The following DOCK7 variants were observed in gnomAD, a reference collection of about 807,000 sequenced individuals.
DOCK7 encodes dedicator of cytokinesis protein 7.
Under a neutral mutation model 271.0 loss-of-function variants are expected in DOCK7, and 138 were observed. That is an observed-to-expected ratio of 0.51 (90% CI 0.44 to 0.59). DOCK7 has a LOEUF of 0.59. Ranked by LOEUF, DOCK7 falls within the 20% of genes least tolerant of loss-of-function variation. The pLI is 0.00. For synonymous variants in DOCK7, 823 were observed against 876.1 expected, an observed-to-expected ratio of 0.94 and a Z score of 1.07; for missense variants, 2,066 against 2,592.4, an observed-to-expected ratio of 0.80 and a Z score of 4.41.
intron 15 of DOCK7, 137 bp from the exon 16 acceptor site, chr1:62,583,391 C>T: frequency 4.6e-6 from 3 of 649,970 alleles, no homozygotes; most frequent in Admixed American, 2.6e-5. Flanking sequence ...AATGTGCCTA[C>T]TGACGTTCAT....
chr1:62,661,801 T>C (rs897183237), intron 2 of DOCK7, among the ~76,000 whole-genome samples: 1 of 152,136 alleles, frequency 6.6e-6, no homozygotes, highest in African/African-American at 2.4e-5. Context: ...TTATAGTTAT[T>C]CATAATGACA....
At chr1:62,573,720 CTTAAAA>C (rs1362505629) in intron 18 of DOCK7, among the ~76,000 whole-genome samples, 7 of 152,080 alleles carry the variant, frequency 4.6e-5, no homozygotes, top group Admixed American at 1.3e-4. Flanking sequence ...GAAATGTACA[CTTAAAA>C]TTAAAATGAT....
At chr1:62,525,525 T>G (rs1455191555) in intron 31 of DOCK7, among the ~76,000 whole-genome samples, 2 of 152,108 alleles carry the variant, frequency 1.3e-5, no homozygotes, top group Non-Finnish European at 2.9e-5. Flanking sequence ...TGTAGTATAC[T>G]TCACAAAAGA....
At chr1:62,493,207 A>T (rs1384024091) in intron 40 of DOCK7, among the ~76,000 whole-genome samples, 1 of 152,184 alleles carries the variant, frequency 6.6e-6, no homozygotes, top group Non-Finnish European at 1.5e-5. Context: ...AAGGGTACAA[A>T]AATGGTCTCT....
intron 11 of DOCK7, among the ~76,000 whole-genome samples, chr1:62,630,299 T>A (rs2149619033): frequency 1.3e-5 from 2 of 152,270 alleles, no homozygotes; most frequent in South Asian, 4.2e-4. Context: ...AAATGCTACA[T>A]AAACTGCATG....
At chr1:62,650,611 A>C (rs1246398664) in intron 4 of DOCK7, among the ~76,000 whole-genome samples, 2 of 152,188 alleles carry the variant, frequency 1.3e-5, no homozygotes, top group Non-Finnish European at 2.9e-5. Flanking sequence ...AAAAACAAAC[A>C]ACCCTATCAA....
At chr1:62,646,295 G>C (rs1656654115) in intron 7 of DOCK7, among the ~76,000 whole-genome samples, 1 of 152,128 alleles carries the variant, frequency 6.6e-6, no homozygotes, top group Non-Finnish European at 1.5e-5. Flanking sequence ...GAATGGGTAA[G>C]CTCATAGAGA....
At chr1:62,545,290 G>C (rs1645667023) in intron 22 of DOCK7, among the ~76,000 whole-genome samples, 1 of 151,786 alleles carries the variant, frequency 6.6e-6, no homozygotes. Context: ...TTTATGTAAA[G>C]GAATACTCTT....
chr1:62,554,088 A>G (rs1271697697), intron 21 of DOCK7, among the ~76,000 whole-genome samples: 1 of 152,164 alleles, frequency 6.6e-6, no homozygotes, highest in African/African-American at 2.4e-5. Context: ...TCATTTCTCT[A>G]TCTTCATCAG....
At chr1:62,653,937 C>T in intron 3 of DOCK7, 47 bp downstream of exon 3, 1 of 1,581,136 alleles carries the variant, frequency 6.3e-7, no homozygotes, top group Non-Finnish European at 8.6e-7. Context: ...GGAAGGTAGC[C>T]TTTCTATAGT....
At chr1:62,583,063 G>C (rs1045176631) in intron 16 of DOCK7, 121 bp downstream of exon 16, 2 of 724,514 alleles carry the variant, frequency 2.8e-6, no homozygotes, top group Non-Finnish European at 4.6e-6. Flanking sequence ...TTATAACTCT[G>C]ATGTCAGCCT....
At chr1:62,556,254 T>C (rs915426311) in intron 20 of DOCK7, among the ~76,000 whole-genome samples, 1 of 152,034 alleles carries the variant, frequency 6.6e-6, no homozygotes, top group African/African-American at 2.4e-5. Context: ...AAGAAAACAA[T>C]GCTCAACGGA....
chr1:62,648,459 CA>C lies in DOCK7; in HGVS notation c.474del (p.Phe158LeufsTer26). The C allele has an allele frequency of 1.9e-6, 3 of 1,548,326 alleles. No individual in the cohort carries two copies. The highest frequency in any genetic ancestry group is 2.4e-5 in the East Asian group (1 of 41,900). ...TTGCCATCTGGAGCTTCATCAGATTCAAAAACTTGTTTTGGCAAACCTTTTT... is the reference window on the plus strand; with the variant it reads ...TTGCCATCTGGAGCTTCATCAGATTCAAAACTTGTTTTGGCAAACCTTTTT... ...ERQKGLPKQV[F>X]ESDEAPDGNS... On this transcript the variant is annotated frameshift_variant, in exon 5 of 50. Transcript: ENST00000635253. LOFTEE classifies it high-confidence loss of function.
Position 62,625,291 on chromosome 1 carries a change from C to G in DOCK7, c.1393G>C (p.Ala465Pro), listed in dbSNP as rs370549803. 2 of 1,613,952 alleles carry G rather than the reference C, an allele frequency of 1.2e-6. No homozygotes were observed. Among genetic ancestry groups the G allele is most frequent in the Non-Finnish European group, 1.7e-6 (2 of 1,179,930 alleles). Residue 465 changes from alanine to proline, a missense_variant, in exon 12 of 50, where the codon GCT becomes CCT. By Grantham distance (27) the Ala-to-Pro change is conservative (BLOSUM62 -1). Transcript: ENST00000635253. Reference sequence around the variant, plus strand: ...AAAAAATTTGTCACTGTGAGAGTAGCTGGTCGAAAGCTCGTCAAGTTACAA... The same window carrying G: ...AAAAAATTTGTCACTGTGAGAGTAGGTGGTCGAAAGCTCGTCAAGTTACAA... The part of the protein sequence containing the change: ...DACNLTSFRP[A>P]TLTVTNFFKQ...
intron 18 of DOCK7, among the ~76,000 whole-genome samples, chr1:62,571,838 T>G (rs1263110343): frequency 6.6e-6 from 1 of 151,974 alleles, no homozygotes; most frequent in Non-Finnish European, 1.5e-5. Flanking sequence ...CACTCATAAG[T>G]GGGAGCTGAA....
chr1:62,512,366 A>C (rs544781464), intron 33 of DOCK7, among the ~76,000 whole-genome samples: 15 of 152,206 alleles, frequency 9.9e-5, no homozygotes, highest in Non-Finnish European at 1.8e-4. Flanking sequence ...ATGCATGGTT[A>C]CTATAAAGAT....
At chr1:62,508,109 T>G (rs757193608) in intron 34 of DOCK7, 51 bp from the exon 35 acceptor site, 3 of 1,505,170 alleles carry the variant, frequency 2.0e-6, no homozygotes, top group Non-Finnish European at 2.7e-6. Flanking sequence ...AAAACTACAA[T>G]TCTGAAAAGA....
intron 12 of DOCK7, among the ~76,000 whole-genome samples, chr1:62,622,702 G>A (rs1281799593): frequency 2.6e-5 from 4 of 152,088 alleles, no homozygotes; most frequent in Non-Finnish European, 4.4e-5. Flanking sequence ...AGGCTGAGAC[G>A]GACGGATCAC....
At chr1:62,599,265 G>A (rs1649754023) in intron 14 of DOCK7, among the ~76,000 whole-genome samples, 1 of 151,840 alleles carries the variant, frequency 6.6e-6, no homozygotes, top group African/African-American at 2.4e-5. Flanking sequence ...TATTCTGACC[G>A]CTTTACCAGT....
Sources: gnomAD v4.1 joint callset for allele counts (sites outside exome capture counted in the v4.1 genomes callset) on GRCh38, gnomAD v4.1.1 for gene constraint, MANE v1.5 for transcripts, NCBI Gene and HGNC (gene_info 2026-07-23, HGNC 2026-07-21) for gene names.